HERC2: variants seen among roughly 807,000 people sequenced by gnomAD.
The protein encoded by HERC2 is E3 ubiquitin-protein ligase HERC2.
A neutral mutation model predicts 537.7 loss-of-function variants in HERC2; 102 were observed. The ratio of observed to expected loss-of-function variants is 0.19; its 90% CI spans 0.16 to 0.22. The LOEUF (loss-of-function observed/expected upper bound fraction) is 0.22. Among genes scored for constraint, HERC2 ranks in the 10% least tolerant of loss-of-function variants. The probability of loss-of-function intolerance (pLI) is 1.00; values close to 1 mark genes in which losing one functional copy is unlikely to be tolerated. For missense variants in HERC2, 4,236 were observed against 6,198.2 expected, an observed-to-expected ratio of 0.68 and a Z score of 10.63; for synonymous variants, 2,224 against 2,466.2, an observed-to-expected ratio of 0.90 and a Z score of 2.91.
At chr15:28,193,398 G>C (rs1330254882) in intron 52 of HERC2, among the ~76,000 whole-genome samples, 2 of 152,256 alleles carry the variant, frequency 1.3e-5, no homozygotes, top group East Asian at 3.9e-4. Context: ...CAGCTGAAGA[G>C]AAAGTAAAAA....
chr15:28,214,268 G>A lies in HERC2; in HGVS notation c.6363C>T (p.Ser2121=). 1 of 1,610,536 alleles carries A rather than the reference G, an allele frequency of 6.2e-7. No homozygotes were observed. The highest frequency in any genetic ancestry group is 1.1e-5 in the South Asian group (1 of 90,920). ...GGCGCACCCTGCGCCGCCTCAGCGT[G>A]GACTCTGAGGAGGAAACCAGGGGAG... ...CSSDVPLLRE[S]TLRRRRVRPQ... The change falls in exon 41 of 93, where the codon TCC becomes TCT. Residue 2121 remains serine, a synonymous_variant. Coordinates refer to ENST00000261609, the MANE Select transcript of HERC2 (RefSeq NM_004667.6).
intron 4 of HERC2, among the ~76,000 whole-genome samples, chr15:28,282,591 A>G (rs2076047218): frequency 6.6e-6 from 1 of 152,246 alleles, no homozygotes; most frequent in South Asian, 2.1e-4. Context: ...GCAAAGAATC[A>G]GTGACATAGA....
intron 65 of HERC2, among the ~76,000 whole-genome samples, chr15:28,171,743 T>A (rs1188911636): frequency 2.0e-5 from 3 of 152,156 alleles, no homozygotes; most frequent in African/African-American, 7.2e-5. Flanking sequence ...TTTAATAATC[T>A]GAAATTCTTA....
chr15:28,150,276 C>T (rs931025844), intron 70 of HERC2, among the ~76,000 whole-genome samples: 2 of 150,612 alleles, frequency 1.3e-5, no homozygotes, highest in Non-Finnish European at 1.5e-5. Flanking sequence ...GGCTTCTAAC[C>T]GAGAACATCA....
intron 43 of HERC2, 94 bp downstream of exon 43, chr15:28,212,351 T>C (rs1005730689): frequency 1.3e-6 from 1 of 770,676 alleles, no homozygotes; most frequent in African/African-American, 1.7e-5. Context: ...CCCAGGACTT[T>C]AGTACGTCCG....
intron 78 of HERC2, among the ~76,000 whole-genome samples, chr15:28,140,366 A>G (rs1891093518): frequency 6.6e-6 from 1 of 152,210 alleles, no homozygotes; most frequent in African/African-American, 2.4e-5. Context: ...AAAGAGAGGT[A>G]GGCTAGACAG....
chr15:28,153,490 C>T (rs1219945238), intron 69 of HERC2, among the ~76,000 whole-genome samples: 1 of 151,534 alleles, frequency 6.6e-6, no homozygotes, highest in Admixed American at 6.6e-5. Context: ...CCCGTCTCTA[C>T]TAAAAATACA....
intron 20 of HERC2, among the ~76,000 whole-genome samples, chr15:28,249,967 C>T (rs531835830): frequency 1.3e-5 from 2 of 152,004 alleles, no homozygotes; most frequent in Admixed American, 6.6e-5. Flanking sequence ...AGGAAACTAA[C>T]TCTTATGTCA....
chr15:28,227,651 A>G (rs1901352897), intron 35 of HERC2, among the ~76,000 whole-genome samples: 1 of 152,178 alleles, frequency 6.6e-6, no homozygotes, highest in Admixed American at 6.5e-5. Context: ...CTAGGTGTAT[A>G]ATCAAAAGAA....
intron 2 of HERC2, among the ~76,000 whole-genome samples, chr15:28,320,930 ACACAAACAC>A (rs1415777018): frequency 6.6e-6 from 1 of 152,018 alleles, no homozygotes; most frequent in Admixed American, 6.6e-5. Flanking sequence ...CTCTCCAGAA[ACACAAACAC>A]AAGACCTCAT....
At chr15:28,213,708 T>G (rs1289919964) in intron 42 of HERC2, 34 bp downstream of exon 42, 1 of 1,612,674 alleles carries the variant, frequency 6.2e-7, no homozygotes, top group Non-Finnish European at 8.5e-7. Context: ...TCAATTTCCC[T>G]TATCATGCAG....
chr15:28,248,890 C>G (rs1903983640), intron 20 of HERC2, among the ~76,000 whole-genome samples, 154 bp from the exon 21 acceptor site: 1 of 152,206 alleles, frequency 6.6e-6, no homozygotes, highest in Non-Finnish European at 1.5e-5. Flanking sequence ...TCCAATGTAT[C>G]TGCAACAAGC....
At chr15:28,175,736 C>T (rs1895222044) in intron 63 of HERC2, 80 bp from the exon 64 acceptor site, 3 of 1,410,152 alleles carry the variant, frequency 2.1e-6, no homozygotes, top group Admixed American at 1.8e-5. Context: ...CATTGTCTCA[C>T]ATCTTTCACA....
At position 28,177,818 on chromosome 15, in the gene HERC2, A is replaced by T. The variant is rs1218807906; in HGVS notation, c.9164-309T>A. Among the ~76,000 whole-genome samples the T allele has an allele frequency of 6.6e-6, 1 of 152,232 alleles. No individual in the cohort carries two copies. The highest frequency in any genetic ancestry group is 1.5e-5 in the Non-Finnish European group (1 of 68,044). On this transcript the variant is annotated intron_variant, in intron 59 of 92. Transcript: ENST00000261609. The surrounding 1 kb of genome is among the most constrained non-coding windows in gnomAD (Gnocchi z 5.0). The stretch of plus-strand genomic sequence containing the variant: ...CACGAAAAATCAAAATTTAGATGAA[A>T]AAAGTAAAAATAATTTGTGATTAGA...
intron 25 of HERC2, among the ~76,000 whole-genome samples, chr15:28,237,787 T>C (rs756924592): frequency 7.2e-5 from 11 of 152,160 alleles, no homozygotes; most frequent in Non-Finnish European, 1.3e-4. Flanking sequence ...ACATAGTTCT[T>C]CCCAAAAAAT....
chr15:28,248,653 C>A lies in HERC2; in HGVS notation c.3134G>T (p.Arg1045Leu), dbSNP rs142950889. ...SSCLDFEQHS[R>L]ERSASLDLLL... Reference sequence around the variant, plus strand: ...CAAATCCAATGAAGCAGATCTTTCACGACTGTGTTGCTCAAAGTCCAGACA... The same window carrying A: ...CAAATCCAATGAAGCAGATCTTTCAAGACTGTGTTGCTCAAAGTCCAGACA... Residue 1045 changes from arginine to leucine, a missense_variant, in exon 21 of 93, where the codon CGT becomes CTT. Physicochemically the swap from Arg to Leu is moderately radical, Grantham distance 102. Coordinates refer to ENST00000261609, the MANE Select transcript of HERC2 (RefSeq NM_004667.6). The A allele has an allele frequency of 7.4e-6, 12 of 1,613,780 alleles. No homozygotes were observed. Among genetic ancestry groups the A allele is most frequent in the African/African-American group, 1.3e-5 (1 of 75,046 alleles).
chr15:28,233,146 C>G lies in HERC2; in HGVS notation c.4675G>C (p.Val1559Leu). The change falls in exon 30 of 93, where the codon GTT becomes CTT. Residue 1559 changes from valine to leucine, a missense_variant and splice_region_variant. Coordinates refer to ENST00000261609, the MANE Select transcript of HERC2 (RefSeq NM_004667.6). The stretch of plus-strand genomic sequence containing the variant: ...ATCTTCTGTCCTTTTACATTCTTAC[C>G]TCTCTTTTTCCTTCGTTCTCGAATT... Reference protein sequence around the residue: ...KIIRERRKKRVPKKPESTDDE... With the variant: ...KIIRERRKKRLPKKPESTDDE... 6.2e-7 allele frequency: 1 copy of G among 1,609,004 alleles called. No homozygotes were observed. The highest frequency in any genetic ancestry group is 8.5e-7 in the Non-Finnish European group (1 of 1,177,534).
chr15:28,150,443 G>A (rs549610219), intron 70 of HERC2, among the ~76,000 whole-genome samples: 55 of 147,428 alleles, frequency 3.7e-4, no homozygotes, highest in African/African-American at 1.1e-3. Context: ...CACCGACAAC[G>A]GCCACACGAA....
chr15:28,233,231 T>C lies in HERC2; in HGVS notation c.4590A>G (p.Ile1530Met), dbSNP rs913539016. ...AACTTAACAATTTAAACTTAGACAT[T>C]ATAGAGAGGTCATTACAAACAGCAG... The part of the protein sequence containing the change: ...LRPAVCNDLS[I>M]MSKFKLLSSL... Residue 1530 changes from isoleucine (I) to methionine (M), a missense_variant, in exon 30 of 93, where the codon ATA becomes ATG. Around this residue, in one of 27 missense-constraint regions of HERC2, gnomAD observed 343 missense variants for 417.2 expected, o/e 0.82. Coordinates refer to ENST00000261609, the MANE Select transcript of HERC2 (RefSeq NM_004667.6). 6.2e-6 allele frequency: 10 copies of C among 1,604,364 alleles called. No individual in the cohort carries two copies. Among genetic ancestry groups the C allele is most frequent in the Non-Finnish European group, 8.5e-6 (10 of 1,173,534 alleles).
Sources: allele counts gnomAD v4.1 joint callset (sites outside exome capture counted in the v4.1 genomes callset), GRCh38; gene constraint gnomAD v4.1.1; regional missense constraint gnomAD v4.1.1; non-coding constraint Gnocchi (gnomAD v3.1); transcripts MANE v1.5; gene names NCBI Gene and HGNC (gene_info 2026-07-23, HGNC 2026-07-21).